FANCL: variants seen among roughly 807,000 people sequenced by gnomAD.
The protein encoded by FANCL is E3 ubiquitin-protein ligase FANCL.
A neutral mutation model predicts 59.4 loss-of-function variants in FANCL; 69 were observed. The observed-to-expected ratio is 1.16, with a 90% CI of 0.96 to 1.42. FANCL has a LOEUF of 1.42. Among genes scored for constraint, FANCL ranks in the 40% most tolerant of loss-of-function variants. FANCL has a pLI of 0.00. For synonymous variants in FANCL, 180 were observed against 147.1 expected (o/e 1.22, Z -1.62); for missense variants, 519 against 447.2 (o/e 1.16, Z -1.45).
At chr2:58,208,003 G>A (rs1690761918) in intron 5 of FANCL, among the ~76,000 whole-genome samples, 1 of 152,202 alleles carries the variant, frequency 6.6e-6, no homozygotes, top group African/African-American at 2.4e-5. Flanking sequence ...AGGTTGCAGT[G>A]AGCTATGATG....
intron 8 of FANCL, among the ~76,000 whole-genome samples, chr2:58,164,216 A>C (rs1219428039): frequency 6.6e-6 from 1 of 152,054 alleles, no homozygotes; most frequent in African/African-American, 2.4e-5. Flanking sequence ...TTGAAGGTAC[A>C]TAGTGTAACT....
chr2:58,178,473 A>G (rs1687590944), intron 7 of FANCL, among the ~76,000 whole-genome samples: 1 of 152,216 alleles, frequency 6.6e-6, no homozygotes, highest in Admixed American at 6.5e-5. Flanking sequence ...AGAACCAAAA[A>G]CAAAAACCAC....
chr2:58,192,754 T>C (rs932776110), intron 7 of FANCL, among the ~76,000 whole-genome samples: 4 of 151,842 alleles, frequency 2.6e-5, no homozygotes, highest in Admixed American at 6.6e-5. Context: ...TACAAAAGCA[T>C]GTAATGACAA....
At chr2:58,165,995 C>G (rs767965537) in intron 7 of FANCL, 121 bp from the exon 8 acceptor site, 120 of 913,404 alleles carry the variant, frequency 1.3e-4, no homozygotes, top group Non-Finnish European at 2.0e-4. Context: ...ACAAAGTAGA[C>G]TCCAGTAAAC....
At chr2:58,226,438 ACT>A (rs770105669) in intron 4 of FANCL, among the ~76,000 whole-genome samples, 12 of 152,076 alleles carry the variant, frequency 7.9e-5, no homozygotes, top group African/African-American at 1.2e-4. Context: ...TAGATGTTAA[ACT>A]CTCTGCTGAT....
chr2:58,240,314 A>G (rs1002409404), intron 1 of FANCL, among the ~76,000 whole-genome samples: 4 of 152,170 alleles, frequency 2.6e-5, no homozygotes, highest in Non-Finnish European at 5.9e-5. Context: ...CATATACTCA[A>G]AGACTATGCG....
chr2:58,175,346 C>G (rs1100189), intron 7 of FANCL, among the ~76,000 whole-genome samples: 104,064 of 146,498 alleles, frequency 0.71, 38,228 homozygotes, highest in African/African-American at 0.9. Context: ...GAGAATTTTA[C>G]ACCAATATCC....
In FANCL at chr2:58,165,867, A is replaced by T; in HGVS notation, c.548T>A (p.Leu183Ter). 6.2e-7 allele frequency: 1 copy of T among 1,614,008 alleles called. No homozygotes were observed. The highest frequency in any genetic ancestry group is 8.5e-7 in the Non-Finnish European group (1 of 1,179,914). The change falls in exon 8 of 14, where the codon TTA becomes TAA. Residue 183 changes from leucine to a stop codon, truncating the protein, a stop_gained. Coordinates refer to ENST00000233741, the MANE Select transcript of FANCL (RefSeq NM_018062.4). LOFTEE classifies it high-confidence loss of function. ...FCASWTPQSS[L>*]ISIYSQFLAA... Reference sequence around the variant, plus strand: ...CAAAAACTGACTATAAATGCTTATTAAGGAGCTCTGTGAAAAAAATGAAAG... The same window carrying T: ...CAAAAACTGACTATAAATGCTTATTTAGGAGCTCTGTGAAAAAAATGAAAG...
chr2:58,221,688 A>C (rs2103747388), intron 5 of FANCL, among the ~76,000 whole-genome samples: 1 of 152,290 alleles, frequency 6.6e-6, no homozygotes, highest in East Asian at 1.9e-4. Context: ...CAGTGAAAGT[A>C]TCTATTACGG....
intron 6 of FANCL, among the ~76,000 whole-genome samples, chr2:58,203,729 G>C (rs1379559530): frequency 1.3e-5 from 2 of 151,980 alleles, no homozygotes; most frequent in Admixed American, 1.3e-4. Context: ...GGGGATCACA[G>C]ATAAGAATAA....
chr2:58,194,309 A>G (rs959093577), intron 7 of FANCL: 8 of 470,804 alleles, frequency 1.7e-5, no homozygotes, highest in Admixed American at 4.7e-5. Context: ...TATAATCATA[A>G]TATCAGTGCA....
intron 7 of FANCL, among the ~76,000 whole-genome samples, chr2:58,185,365 C>A (rs1046789061): frequency 2.0e-5 from 3 of 152,068 alleles, no homozygotes; most frequent in African/African-American, 7.2e-5. Flanking sequence ...TATTTGGGAT[C>A]TCTGTGTTAA....
chr2:58,203,923 C>T (rs2105145479), intron 6 of FANCL, among the ~76,000 whole-genome samples: 1 of 152,084 alleles, frequency 6.6e-6, no homozygotes. Flanking sequence ...GTATTTTGAG[C>T]AAATTTGGAC....
intron 5 of FANCL, among the ~76,000 whole-genome samples, chr2:58,220,103 GAAACA>G (rs1692320320): frequency 6.6e-6 from 1 of 152,178 alleles, no homozygotes; most frequent in Non-Finnish European, 1.5e-5. Context: ...CATCTGCAGT[GAAACA>G]CTATTACATG....
intron 7 of FANCL, among the ~76,000 whole-genome samples, chr2:58,183,277 AAGTT>A (rs1231057119): frequency 6.6e-6 from 1 of 151,896 alleles, no homozygotes; most frequent in Non-Finnish European, 1.5e-5. Flanking sequence ...CCAAACTCTT[AAGTT>A]TAGAGATTAT....
chr2:58,165,917 C>T (rs757622310), intron 7 of FANCL, 43 bp from the exon 8 acceptor site: 1 of 1,579,230 alleles, frequency 6.3e-7, no homozygotes, highest in Non-Finnish European at 8.7e-7. Flanking sequence ...TGGTACTCTA[C>T]CAATAGCAGA....
intron 4 of FANCL, among the ~76,000 whole-genome samples, chr2:58,225,244 T>G (rs2103811412): frequency 6.6e-6 from 1 of 151,750 alleles, no homozygotes; most frequent in East Asian, 1.9e-4. Context: ...AAAAAACACT[T>G]TAGATCCCTG....
intron 1 of FANCL, among the ~76,000 whole-genome samples, chr2:58,236,054 A>G (rs1175491747): frequency 6.6e-6 from 1 of 151,558 alleles, no homozygotes; most frequent in African/African-American, 2.4e-5. Context: ...GAGGAACAAA[A>G]AAAAAAAAAG....
chr2:58,177,177 T>C (rs1254452637), intron 7 of FANCL, among the ~76,000 whole-genome samples: 3 of 152,180 alleles, frequency 2.0e-5, no homozygotes, highest in Non-Finnish European at 2.9e-5. Flanking sequence ...TTTTACACTG[T>C]TGGTGGGACT....
Sources: allele counts gnomAD v4.1 joint callset (sites outside exome capture counted in the v4.1 genomes callset), GRCh38; gene constraint gnomAD v4.1.1; transcripts MANE v1.5; gene names NCBI Gene and HGNC (gene_info 2026-07-23, HGNC 2026-07-21).